Variants in POF1B observed in about 807,000 individuals in gnomAD.
The protein encoded by POF1B is POF1B actin binding protein.
POF1B carries 53 observed loss-of-function variants against 55.3 expected under a neutral mutation model. The observed-to-expected ratio is 0.96, with a 90% CI of 0.77 to 1.20. The LOEUF is 1.20. Ranked by LOEUF, POF1B falls within the 50% of genes most tolerant of loss-of-function variation. POF1B has a pLI of 0.00. For synonymous variants in POF1B, 188 were observed against 148.3 expected, an observed-to-expected ratio of 1.27 and a Z score of -1.95; for missense variants, 478 against 420.5, an observed-to-expected ratio of 1.14 and a Z score of -1.20.
chrX:85,376,146 T>C (rs1933916363), intron 2 of POF1B, among the ~76,000 whole-genome samples: 1 of 111,625 alleles, frequency 9.0e-6, no homozygotes, highest in Non-Finnish European at 1.9e-5. Flanking sequence ...TTTAAAAATA[T>C]TTTATTTTAA....
chrX:85,346,146 T>G (rs774847588), intron 5 of POF1B, 104 bp from the exon 6 acceptor site: 468 of 621,351 alleles, frequency 7.5e-4, no homozygotes, highest in Non-Finnish European at 9.9e-4. Flanking sequence ...TCTTTCACTA[T>G]AATTCAAACC....
At chrX:85,336,822 T>C (rs1478431231) in intron 6 of POF1B, among the ~76,000 whole-genome samples, 1 of 111,563 alleles carries the variant, frequency 9.0e-6, no homozygotes, top group Non-Finnish European at 1.9e-5. Context: ...TTGTTCATTT[T>C]TGCTTCGGTT....
intron 12 of POF1B, 87 bp from the exon 13 acceptor site, chrX:85,305,997 C>T (rs1307286131): frequency 9.5e-7 from 1 of 1,050,834 alleles, no homozygotes; most frequent in Non-Finnish European, 1.3e-6. Flanking sequence ...AGATGAAAAC[C>T]ACATGATTAA....
chrX:85,355,764 A>G (rs1347443548), intron 4 of POF1B, among the ~76,000 whole-genome samples: 2 of 111,949 alleles, frequency 1.8e-5, no homozygotes, highest in Non-Finnish European at 3.8e-5. Context: ...ATGAGATACC[A>G]TCTCATGCCA....
chrX:85,354,695 C>T (rs1002582294), intron 4 of POF1B, among the ~76,000 whole-genome samples: 12 of 110,746 alleles, frequency 1.1e-4, no homozygotes, highest in African/African-American at 2.6e-4. Flanking sequence ...CATGAGTGAA[C>T]TCCCATTCAC....
At chrX:85,376,597 C>G (rs1361052843) in intron 2 of POF1B, among the ~76,000 whole-genome samples, 1 of 110,333 alleles carries the variant, frequency 9.1e-6, no homozygotes. Context: ...AAATAATAAC[C>G]AAAAAACATA....
intron 9 of POF1B, among the ~76,000 whole-genome samples, chrX:85,309,873 G>A (rs900331644): frequency 4.5e-5 from 5 of 111,688 alleles, no homozygotes; most frequent in African/African-American, 1.6e-4. Context: ...ATTCCTACTG[G>A]CCAAAAATGA....
chrX:85,345,183 A>G (rs1409387734), intron 6 of POF1B, among the ~76,000 whole-genome samples: 1 of 111,033 alleles, frequency 9.0e-6, no homozygotes, highest in Non-Finnish European at 1.9e-5. Context: ...CCATTGTTCC[A>G]GTTATTAATA....
intron 9 of POF1B, among the ~76,000 whole-genome samples, chrX:85,309,230 G>A (rs1487913509): frequency 1.8e-5 from 2 of 108,998 alleles, no homozygotes; most frequent in African/African-American, 6.7e-5. Context: ...TTACCAATGG[G>A]AAACCTCTAG....
intron 7 of POF1B, among the ~76,000 whole-genome samples, chrX:85,326,491 C>A (rs766348732): frequency 1.8e-5 from 2 of 109,580 alleles, no homozygotes; most frequent in Non-Finnish European, 3.8e-5. Flanking sequence ...AAGTGCGGGG[C>A]GCTGGTGGGT....
intron 15 of POF1B, among the ~76,000 whole-genome samples, chrX:85,301,227 T>C (rs1932442689): frequency 9.0e-6 from 1 of 111,396 alleles, no homozygotes; most frequent in African/African-American, 3.3e-5. Flanking sequence ...TCAAGGGCCA[T>C]AGAAAAAAAT....
rs6623264 is a variant in POF1B, at chrX:85,322,071, T to G, written c.855-6337A>C. Among the ~76,000 whole-genome samples, 180 of 111,214 alleles carry G rather than the reference T, an allele frequency of 1.6e-3. 2 individuals are homozygous for G. In the East Asian group the frequency reaches 0.044, roughly 27 times the overall value. On this transcript the variant is annotated intron_variant, in intron 7 of 16. Transcript: ENST00000262753. Reference sequence around the variant, plus strand: ...CCCCATCAAGCTACCAATGACTTTCTTCACAGAACTGGAAAAAACTACTTT... The same window carrying G: ...CCCCATCAAGCTACCAATGACTTTCGTCACAGAACTGGAAAAAACTACTTT...
chrX:85,328,167 T>TA (rs1932919898), intron 7 of POF1B, among the ~76,000 whole-genome samples: 4 of 100,980 alleles, frequency 4.0e-5, no homozygotes, highest in Admixed American at 1.1e-4. Flanking sequence ...TACAATATCT[T>TA]TTTTATTTAT....
At chrX:85,303,367 A>G in intron 15 of POF1B, 39 bp downstream of exon 15, 1 of 931,236 alleles carries the variant, frequency 1.1e-6, no homozygotes, top group East Asian at 3.4e-5. Flanking sequence ...TTATATGATC[A>G]TAATTTTTAT....
chrX:85,293,137 A>G (rs1330172704), intron 15 of POF1B, among the ~76,000 whole-genome samples: 1 of 112,206 alleles, frequency 8.9e-6, no homozygotes, highest in Non-Finnish European at 1.9e-5. Context: ...ACCTAAAGAC[A>G]GAGATACCAT....
At chrX:85,279,700 C>T (rs1040582321) in intron 16 of POF1B, among the ~76,000 whole-genome samples, 5 of 110,731 alleles carry the variant, frequency 4.5e-5, no homozygotes, top group Non-Finnish European at 9.5e-5. Context: ...TTAAATATGT[C>T]CAATTGTCTC....
chrX:85,314,368 G>T, intron 9 of POF1B, 64 bp downstream of exon 9: 1 of 877,055 alleles, frequency 1.1e-6, no homozygotes, highest in African/African-American at 2.1e-5. Flanking sequence ...TTAATTAAGG[G>T]AAGCAACCTA....
chrX:85,315,997 T>C (rs1483457615), intron 7 of POF1B, among the ~76,000 whole-genome samples: 1 of 111,324 alleles, frequency 9.0e-6, no homozygotes, highest in Admixed American at 9.6e-5. Context: ...GTTAGTACCA[T>C]CCGTTAGCAC....
rs879249530 is a variant in POF1B, at chrX:85,279,484, C to G, written c.1765-58G>C. On this transcript the variant is annotated intron_variant, in intron 16 of 16. Coordinates refer to ENST00000262753, the MANE Select transcript of POF1B (RefSeq NM_024921.4). ...TGGTTCATAATTAAAGTCATTGTTA[C>G]TATATGCAAAGTTATGGAAAATTAT... 1.0e-5 allele frequency: 11 copies of G among 1,085,191 alleles called. No individual in the cohort carries two copies. The Admixed American group carries it at 2.1e-4, about 21-fold the overall frequency. 89.4% of individuals were successfully genotyped at this position (1,085,191 alleles called of 1,213,427 possible). A position where few individuals can be genotyped will look rare whatever the true frequency, so the allele number is the denominator to read the frequency against.
Sources: gnomAD v4.1 joint callset for allele counts (sites outside exome capture counted in the v4.1 genomes callset) on GRCh38, gnomAD v4.1.1 for gene constraint, MANE v1.5 for transcripts, NCBI Gene and HGNC (gene_info 2026-07-23, HGNC 2026-07-21) for gene names.